Variants in BMERB1 observed in about 807,000 individuals in gnomAD.
BMERB1 encodes the protein bMERB domain-containing protein 1.
Under a neutral mutation model 23.6 loss-of-function variants are expected in BMERB1, and 12 were observed. The observed-to-expected ratio is 0.51, with a 90% CI of 0.33 to 0.82. The LOEUF (loss-of-function observed/expected upper bound fraction) is 0.82, where lower values mean the gene tolerates loss of function less well. Among genes scored for constraint, BMERB1 ranks in the 40% least tolerant of loss-of-function variants. The pLI is 0.03. For missense variants in BMERB1, 247 were observed against 255.4 expected, an observed-to-expected ratio of 0.97 and a Z score of 0.22; for synonymous variants, 122 against 96.6, an observed-to-expected ratio of 1.26 and a Z score of -1.54.
At chr16:15,509,762 G>A (rs2051638922) in intron 1 of BMERB1, among the ~76,000 whole-genome samples, 1 of 152,202 alleles carries the variant, frequency 6.6e-6, no homozygotes, top group African/African-American at 2.4e-5. Context: ...CAGGAAGCTT[G>A]CAAGGCTGTG....
At chr16:15,441,125 AAAAC>A (rs764995961) in intron 1 of BMERB1, among the ~76,000 whole-genome samples, 14 of 152,228 alleles carry the variant, frequency 9.2e-5, no homozygotes, top group African/African-American at 2.9e-4. Flanking sequence ...GGTTGTGATT[AAAAC>A]AAACAAACAA....
chr16:15,434,770 G>C lies in BMERB1; in HGVS notation c.106+11G>C, dbSNP rs1301437130. The stretch of plus-strand genomic sequence containing the variant: ...AGAGACTGGGGAGAAGTGAGTACTG[G>C]GGCGGGGGGCGGGGGGCCGGGGACA... On this transcript the variant is annotated intron_variant, in intron 1 of 5. Transcript: ENST00000300006. 3.9e-6 allele frequency: 2 copies of C among 507,552 alleles called. No homozygotes were observed. The highest frequency in any genetic ancestry group is 7.4e-6 in the Non-Finnish European group (2 of 271,168). 31.4% of individuals were successfully genotyped at this position (507,552 alleles called of 1,614,324 possible). A position where few individuals can be genotyped will look rare whatever the true frequency, so the allele number is the denominator to read the frequency against.
chr16:15,501,818 A>G (rs1567471127), intron 1 of BMERB1, among the ~76,000 whole-genome samples: 2 of 152,116 alleles, frequency 1.3e-5, no homozygotes, highest in African/African-American at 2.4e-5. Flanking sequence ...GGGTTTCACC[A>G]TGTTGGCCAG....
chr16:15,530,942 T>C (rs1312168176), intron 2 of BMERB1, among the ~76,000 whole-genome samples: 1 of 143,878 alleles, frequency 7.0e-6, no homozygotes, highest in Non-Finnish European at 1.5e-5. Flanking sequence ...AGTCTCGCAC[T>C]GTCACTGGGC....
chr16:15,581,489 T>C, intron 4 of BMERB1, 158 bp downstream of exon 4: 2 of 554,458 alleles, frequency 3.6e-6, no homozygotes, highest in Non-Finnish European at 6.4e-6. Context: ...AACCCCAGCC[T>C]TCTGGCTTGA....
intron 1 of BMERB1, among the ~76,000 whole-genome samples, chr16:15,510,366 G>A (rs548545652): frequency 1.3e-5 from 2 of 152,256 alleles, no homozygotes; most frequent in African/African-American, 4.8e-5. Context: ...TGCCAGCGCT[G>A]AGCCTTTGTT....
intron 1 of BMERB1, among the ~76,000 whole-genome samples, chr16:15,483,172 A>G (rs1466510469): frequency 6.6e-6 from 1 of 152,188 alleles, no homozygotes; most frequent in African/African-American, 2.4e-5. Flanking sequence ...TAACTAGTCC[A>G]TATGGCCAAA....
intron 1 of BMERB1, among the ~76,000 whole-genome samples, chr16:15,454,542 C>G (rs903087459): frequency 1.3e-5 from 2 of 152,198 alleles, no homozygotes; most frequent in African/African-American, 4.8e-5. Flanking sequence ...CCTGTAATCC[C>G]AGCACTTTGG....
chr16:15,468,019 A>G (rs1436397844), intron 1 of BMERB1, among the ~76,000 whole-genome samples: 1 of 152,118 alleles, frequency 6.6e-6, no homozygotes, highest in African/African-American at 2.4e-5. Flanking sequence ...TGTGGAGACC[A>G]AGGTTTCATT....
chr16:15,567,887 C>T (rs963284056), intron 2 of BMERB1, 96 bp from the exon 3 acceptor site: 1 of 1,166,716 alleles, frequency 8.6e-7, no homozygotes, highest in African/African-American at 1.5e-5. Context: ...CAAAAGATAA[C>T]CCACCTTTAA....
intron 1 of BMERB1, among the ~76,000 whole-genome samples, chr16:15,511,800 T>A (rs931604094): frequency 6.6e-6 from 1 of 151,888 alleles, no homozygotes; most frequent in African/African-American, 2.4e-5. Flanking sequence ...TTACCTGAGG[T>A]CAGGAGTTCA....
intron 3 of BMERB1, among the ~76,000 whole-genome samples, chr16:15,571,959 C>G (rs1421845440): frequency 6.6e-6 from 1 of 152,166 alleles, no homozygotes; most frequent in Non-Finnish European, 1.5e-5. Flanking sequence ...TTAAGATCCT[C>G]TGCAGAAAAA....
chr16:15,563,729 A>C (rs2030490626), intron 2 of BMERB1, among the ~76,000 whole-genome samples: 1 of 152,098 alleles, frequency 6.6e-6, no homozygotes, highest in Non-Finnish European at 1.5e-5. Flanking sequence ...ACACTTAAAC[A>C]ACCAGATCTC....
intron 2 of BMERB1, among the ~76,000 whole-genome samples, chr16:15,557,206 A>G (rs1351257180): frequency 2.0e-5 from 3 of 152,194 alleles, no homozygotes; most frequent in African/African-American, 7.2e-5. Context: ...AAGATGCTGA[A>G]TGACACGGGT....
chr16:15,484,154 C>T (rs1435769003), intron 1 of BMERB1, among the ~76,000 whole-genome samples: 3 of 152,298 alleles, frequency 2.0e-5, no homozygotes, highest in African/African-American at 4.8e-5. Context: ...AAGCCATTCA[C>T]GAGGGATCTG....
chr16:15,450,496 A>G (rs1198103032), intron 1 of BMERB1, among the ~76,000 whole-genome samples: 1 of 151,892 alleles, frequency 6.6e-6, no homozygotes, highest in African/African-American at 2.4e-5. Flanking sequence ...TTTGAAACAG[A>G]GTCTTGCTCT....
chr16:15,492,320 G>T (rs990202291), intron 1 of BMERB1, among the ~76,000 whole-genome samples: 5 of 152,160 alleles, frequency 3.3e-5, no homozygotes, highest in African/African-American at 7.2e-5. Context: ...CAAACCACCA[G>T]TTCTAGCTGA....
chr16:15,518,195 A>AGGGACTTTGC (rs1298166003), intron 2 of BMERB1, among the ~76,000 whole-genome samples: 7 of 152,196 alleles, frequency 4.6e-5, no homozygotes, highest in Non-Finnish European at 1.0e-4. Context: ...CTAGCCCATG[A>AGGGACTTTGC]ATCTGACCAC....
intron 2 of BMERB1, among the ~76,000 whole-genome samples, chr16:15,546,297 A>G (rs1484606056): frequency 1.3e-5 from 2 of 152,128 alleles, no homozygotes; most frequent in South Asian, 2.1e-4. Context: ...CCCTGTCACA[A>G]ACAAACAAAC....
Sources: gnomAD v4.1 joint callset for allele counts (sites outside exome capture counted in the v4.1 genomes callset) on GRCh38, gnomAD v4.1.1 for gene constraint, MANE v1.5 for transcripts, NCBI Gene and HGNC (gene_info 2026-07-23, HGNC 2026-07-21) for gene names.